The following RPS6KC1 variants were observed in gnomAD, a reference collection of about 807,000 sequenced individuals.
The protein encoded by RPS6KC1 is inactive ribosomal protein S6 kinase delta-1.
In RPS6KC1, 54 loss-of-function variants were observed where a neutral mutation model predicts 103.8. The observed-to-expected ratio is 0.52, with a 90% CI of 0.42 to 0.65. The LOEUF (loss-of-function observed/expected upper bound fraction) is 0.65, where lower values mean the gene tolerates loss of function less well. Ranked by LOEUF, RPS6KC1 falls within the 30% of genes least tolerant of loss-of-function variation. The pLI is 0.00. For synonymous variants in RPS6KC1, 439 were observed against 438.7 expected (o/e 1.00, Z -0.01); for missense variants, 1,151 against 1,253.8 (o/e 0.92, Z 1.24).
the RPS6KC1 span, among the ~76,000 whole-genome samples, chr1:213,480,057 G>A: frequency 6.6e-6 from 1 of 151,858 alleles, no homozygotes; most frequent in Non-Finnish European, 1.5e-5. Context: ...AATCTTCTTT[G>A]TTCTTTTTCT....
chr1:213,701,163 C>T, the RPS6KC1 span, among the ~76,000 whole-genome samples: 1 of 151,836 alleles, frequency 6.6e-6, no homozygotes, highest in Admixed American at 6.6e-5. Context: ...TTAGTTTTTC[C>T]TTATTTGGTG....
Position 213,137,303 on chromosome 1 carries a change from G to A in RPS6KC1, c.835+7414G>A, listed in dbSNP as rs920552244. On this transcript the variant is annotated intron_variant, in intron 6 of 14. Coordinates refer to ENST00000366960, the MANE Select transcript of RPS6KC1 (RefSeq NM_012424.6). ...TTTTCTTCACTTTCGAGCCTATAAA[G>A]CCTGTTTTTTTTATTTTTAAATTTT... Among the ~76,000 whole-genome samples, 4 of 149,766 alleles carry A rather than the reference G, an allele frequency of 2.7e-5. No individual in the cohort carries two copies. In the South Asian group the frequency reaches 8.3e-4, roughly 31 times the overall value.
At chr1:213,661,186 C>A in the RPS6KC1 span, among the ~76,000 whole-genome samples, 1 of 152,124 alleles carries the variant, frequency 6.6e-6, no homozygotes, top group South Asian at 2.1e-4. Context: ...AGACATGCAG[C>A]CTTTTTTGAA....
chr1:213,824,759 G>A, the RPS6KC1 span, among the ~76,000 whole-genome samples: 1 of 152,174 alleles, frequency 6.6e-6, no homozygotes, highest in African/African-American at 2.4e-5. Context: ...CTTCTGCCAT[G>A]ATTGTGAGGC....
At chr1:213,237,299 C>T (rs1429823663) in intron 10 of RPS6KC1, among the ~76,000 whole-genome samples, 1 of 151,982 alleles carries the variant, frequency 6.6e-6, no homozygotes, top group Non-Finnish European at 1.5e-5. Context: ...AGTTATTTAA[C>T]CTTTCTGTGT....
At chr1:213,563,430 A>T in the RPS6KC1 span, among the ~76,000 whole-genome samples, 6 of 152,206 alleles carry the variant, frequency 3.9e-5, no homozygotes, top group African/African-American at 1.4e-4. Context: ...TTGGAATTTT[A>T]GTTCATTTAT....
At chr1:213,419,448 A>C in the RPS6KC1 span, among the ~76,000 whole-genome samples, 5 of 152,244 alleles carry the variant, frequency 3.3e-5, no homozygotes, top group Admixed American at 3.3e-4. Flanking sequence ...ACTCACAGTA[A>C]CCAGGCATGA....
intron 14 of RPS6KC1, among the ~76,000 whole-genome samples, chr1:213,266,737 T>C (rs1345762445): frequency 6.6e-6 from 1 of 152,062 alleles, no homozygotes. Context: ...ACCCTGTCTC[T>C]ACTAAAAATA....
rs543588093 is a variant in RPS6KC1, at chr1:213,256,993, C to T, written c.2912-4565C>T. 4.6e-5 allele frequency among the ~76,000 whole-genome samples: 7 copies of T among 152,266 alleles called. No individual in the cohort carries two copies. In the South Asian group the frequency reaches 1.5e-3, roughly 32 times the overall value. ...GTTTCTTTGAAGTCTTTTTATCTTG[C>T]AAATCCATGCAAATTTTACATTGTG... On this transcript the variant is annotated intron_variant, in intron 12 of 14. Transcript: ENST00000366960.
chr1:213,311,287 C>T, the RPS6KC1 span, among the ~76,000 whole-genome samples: 43 of 152,010 alleles, frequency 2.8e-4, 1 homozygote, highest in East Asian at 1.9e-3. Context: ...TACAGGTGCC[C>T]GCCACCACAC....
chr1:213,067,801 T>G (rs1231740913), intron 1 of RPS6KC1, among the ~76,000 whole-genome samples: 1 of 152,166 alleles, frequency 6.6e-6, no homozygotes, highest in African/African-American at 2.4e-5. Context: ...AAATTGGTTA[T>G]TTCTGATAAG....
the RPS6KC1 span, among the ~76,000 whole-genome samples, chr1:213,284,869 G>T: frequency 1.3e-5 from 2 of 152,174 alleles, no homozygotes; most frequent in African/African-American, 2.4e-5. Flanking sequence ...AACATTTCTA[G>T]TTACACTTCT....
chr1:213,531,239 T>C, the RPS6KC1 span, among the ~76,000 whole-genome samples: 1 of 152,168 alleles, frequency 6.6e-6, no homozygotes, highest in Non-Finnish European at 1.5e-5. Flanking sequence ...CTGCAACTGT[T>C]CTTGAAATTT....
the RPS6KC1 span, among the ~76,000 whole-genome samples, chr1:213,770,000 C>T: frequency 6.6e-6 from 1 of 152,162 alleles, no homozygotes; most frequent in Non-Finnish European, 1.5e-5. Flanking sequence ...CGAGGTCCAA[C>T]ACTGGGGAGC....
At chr1:213,593,555 G>A in the RPS6KC1 span, among the ~76,000 whole-genome samples, 1 of 152,308 alleles carries the variant, frequency 6.6e-6, no homozygotes, top group East Asian at 1.9e-4. Context: ...CAAGGTTGGA[G>A]GCAATGATAG....
At chr1:213,525,326 C>G in the RPS6KC1 span, among the ~76,000 whole-genome samples, 1 of 151,998 alleles carries the variant, frequency 6.6e-6, no homozygotes, top group African/African-American at 2.4e-5. Flanking sequence ...CCCCAAAGTG[C>G]AAGGCTTAGC....
rs1237686161 is a variant in RPS6KC1 at position 213,242,550 on chromosome 1, C to G, written c.2822-19C>G. The G allele has an allele frequency of 6.3e-7, 1 of 1,589,358 alleles. No individual in the cohort carries two copies. The highest frequency in any genetic ancestry group is 1.3e-5 in the African/African-American group (1 of 74,330). Reference sequence around the variant, plus strand: ...GGAAGAGAAAAATGTTTTGATTTCTCCTGTCGTTTTGTTTTTAGGACACAT... The same window carrying G: ...GGAAGAGAAAAATGTTTTGATTTCTGCTGTCGTTTTGTTTTTAGGACACAT... On this transcript the variant is annotated intron_variant, in intron 11 of 14. Transcript: ENST00000366960.
intron 12 of RPS6KC1, among the ~76,000 whole-genome samples, chr1:213,245,100 A>T (rs58305443): frequency 6.6e-6 from 1 of 152,156 alleles, no homozygotes; most frequent in Non-Finnish European, 1.5e-5. Context: ...GGTTAAGTCT[A>T]TGTGCTCGTA....
At chr1:213,535,641 A>G in the RPS6KC1 span, among the ~76,000 whole-genome samples, 4 of 152,064 alleles carry the variant, frequency 2.6e-5, no homozygotes, top group Admixed American at 2.0e-4. Flanking sequence ...TGGCTTGGCA[A>G]TGTCTTTGAG....
Sources: gnomAD v4.1 joint callset for allele counts (sites outside exome capture counted in the v4.1 genomes callset) on GRCh38, gnomAD v4.1.1 for gene constraint, MANE v1.5 for transcripts, NCBI Gene and HGNC (gene_info 2026-07-23, HGNC 2026-07-21) for gene names.